The following LPP variants were observed in gnomAD, a reference collection of about 807,000 sequenced individuals.
The protein encoded by LPP is lipoma-preferred partner.
A neutral mutation model predicts 60.4 loss-of-function variants in LPP; 38 were observed. That is an observed-to-expected ratio of 0.63 (90% confidence interval 0.49 to 0.83). The LOEUF (loss-of-function observed/expected upper bound fraction) is 0.83. LPP is among the 40% of genes least tolerant of loss of function. The pLI, the probability that LPP is intolerant of heterozygous loss-of-function variation, is 0.00. For synonymous variants in LPP, 328 were observed against 290.8 expected, an observed-to-expected ratio of 1.13 and a Z score of -1.30; for missense variants, 902 against 783.6, an observed-to-expected ratio of 1.15 and a Z score of -1.80.
intron 4 of LPP, among the ~76,000 whole-genome samples, chr3:188,416,009 A>G (rs950743857): frequency 1.5e-4 from 23 of 152,166 alleles, no homozygotes; most frequent in African/African-American, 5.1e-4. Context: ...TTTCGAATGT[A>G]TTACAGCTTT....
At chr3:188,596,892 G>A (rs1356593615) in intron 6 of LPP, among the ~76,000 whole-genome samples, 1 of 151,312 alleles carries the variant, frequency 6.6e-6, no homozygotes, top group African/African-American at 2.4e-5. Context: ...ACTGAAGTCC[G>A]TGAATATGTT....
chr3:188,679,565 G>A (rs1026353153), intron 7 of LPP, among the ~76,000 whole-genome samples: 4 of 135,230 alleles, frequency 3.0e-5, no homozygotes, highest in African/African-American at 7.6e-5. Flanking sequence ...GTGTGTGTGC[G>A]CGCGCGCATG....
At chr3:188,763,692 T>A (rs530448679) in intron 9 of LPP, among the ~76,000 whole-genome samples, 26 of 152,282 alleles carry the variant, frequency 1.7e-4, no homozygotes, top group Middle Eastern at 3.4e-3. Flanking sequence ...TTTATCTGTT[T>A]AGTTTTACAT....
In LPP at chr3:188,760,144, T is replaced by C; in HGVS notation, c.1272T>C (p.Val424=). 1 of 1,614,128 alleles carries C rather than the reference T, an allele frequency of 6.2e-7. No homozygotes were observed. Among genetic ancestry groups the C allele is most frequent in the Non-Finnish European group, 8.5e-7 (1 of 1,180,006 alleles). Residue 424 remains valine (V), a synonymous_variant, in exon 9 of 12, where the codon GTT becomes GTC. Transcript: ENST00000617246. ...GRCARCGENV[V]GEGTGCTAMD... Reference sequence around the variant, plus strand: ...GTGCTCGCTGTGGAGAAAACGTAGTTGGGGAAGGTACAGGATGCACTGCCA... The same window carrying C: ...GTGCTCGCTGTGGAGAAAACGTAGTCGGGGAAGGTACAGGATGCACTGCCA...
chr3:188,276,017 A>T (rs1282665046), intron 2 of LPP, among the ~76,000 whole-genome samples: 1 of 152,218 alleles, frequency 6.6e-6, no homozygotes, highest in African/African-American at 2.4e-5. Flanking sequence ...AAGAAAACAA[A>T]GCCTGCTGTA....
chr3:188,334,422 C>CTTTTTTT (rs71167095), intron 2 of LPP, among the ~76,000 whole-genome samples: 22 of 98,660 alleles, frequency 2.2e-4, no homozygotes, highest in African/African-American at 3.2e-4. Context: ...ATATTTCTTT[C>CTTTTTTT]TTTTTTTTTT....
At chr3:188,712,967 C>T in intron 8 of LPP, 1 of 152,046 alleles carries the variant, frequency 6.6e-6, no homozygotes, top group Middle Eastern at 3.4e-3. Context: ...TCACTCTTAA[C>T]AGTTTTATTT....
intron 1 of LPP, among the ~76,000 whole-genome samples, chr3:188,186,365 C>G (rs1726595178): frequency 6.6e-6 from 1 of 152,040 alleles, no homozygotes; most frequent in African/African-American, 2.4e-5. Context: ...TAGGAGGATG[C>G]TAGGAGAGAG....
At chr3:188,836,563 A>C (rs1222920685) in intron 9 of LPP, among the ~76,000 whole-genome samples, 1 of 152,222 alleles carries the variant, frequency 6.6e-6, no homozygotes, top group African/African-American at 2.4e-5. Flanking sequence ...CACACGATGG[A>C]GGCTCAATGC....
At chr3:188,253,864 A>G (rs1174704213) in intron 2 of LPP, among the ~76,000 whole-genome samples, 3 of 152,168 alleles carry the variant, frequency 2.0e-5, no homozygotes, top group Admixed American at 2.0e-4. Flanking sequence ...ATTTTCTGTG[A>G]GCATGTGTGA....
chr3:188,808,895 T>C (rs1750011469), intron 9 of LPP, among the ~76,000 whole-genome samples: 1 of 152,150 alleles, frequency 6.6e-6, no homozygotes, highest in Non-Finnish European at 1.5e-5. Flanking sequence ...TGTGATCTCA[T>C]TGTTAAAACT....
chr3:188,803,393 C>T (rs999279098), intron 9 of LPP, among the ~76,000 whole-genome samples: 1 of 152,142 alleles, frequency 6.6e-6, no homozygotes, highest in Admixed American at 6.5e-5. Context: ...GTTCTTCTAA[C>T]ATTTTAAATA....
chr3:188,390,987 T>G (rs2148680503), intron 3 of LPP, among the ~76,000 whole-genome samples: 1 of 152,306 alleles, frequency 6.6e-6, no homozygotes, highest in Non-Finnish European at 1.5e-5. Flanking sequence ...CTATTCCCTT[T>G]TAAACTGTAT....
chr3:188,509,632 T>C (rs1321577988), intron 5 of LPP, among the ~76,000 whole-genome samples: 1 of 35,468 alleles, frequency 2.8e-5, no homozygotes, highest in African/African-American at 1.2e-4. Flanking sequence ...TCCCCTTCCT[T>C]CCTTCCTTCC....
chr3:188,634,519 G>A (rs938509387), intron 7 of LPP, among the ~76,000 whole-genome samples: 2 of 152,214 alleles, frequency 1.3e-5, no homozygotes, highest in African/African-American at 4.8e-5. Context: ...GGTGGTCAGT[G>A]GCGGGCAAGT....
intron 4 of LPP, among the ~76,000 whole-genome samples, chr3:188,447,808 C>CT (rs1795622619): frequency 1.3e-5 from 2 of 152,082 alleles, no homozygotes; most frequent in East Asian, 3.9e-4. Context: ...CTCCGGGATT[C>CT]TATAGCAGTA....
rs79938793 is a variant in LPP, at chr3:188,540,765, A to G, written c.429+15978A>G. Among the ~76,000 whole-genome samples, 2,328 of 152,288 alleles carry G rather than the reference A, an allele frequency of 0.015. 129 individuals are homozygous for G. In the East Asian group the frequency reaches 0.2, roughly 13 times the overall value. ...TTGTTAGCTGCGTGCTTATTCTTAA[A>G]TTGTCTGAGTTACTGCTTTTATATA... On this transcript the variant is annotated intron_variant, in intron 6 of 11. Transcript: ENST00000617246.
intron 9 of LPP, among the ~76,000 whole-genome samples, 153 bp downstream of exon 9, chr3:188,760,435 T>TGTGTGCGTGC (rs777127864): frequency 1.1e-3 from 165 of 151,196 alleles, no homozygotes; most frequent in African/African-American, 3.8e-3. Context: ...TGTGTGTGTG[T>TGTGTGCGTGC]GCGTGCGCGC....
At chr3:188,677,053 C>T (rs1027253534) in intron 7 of LPP, among the ~76,000 whole-genome samples, 2 of 152,158 alleles carry the variant, frequency 1.3e-5, no homozygotes, top group Admixed American at 6.5e-5. Context: ...AAGGAACCGA[C>T]TGTTGACGAC....
Sources: allele counts gnomAD v4.1 joint callset (sites outside exome capture counted in the v4.1 genomes callset), GRCh38; gene constraint gnomAD v4.1.1; transcripts MANE v1.5; gene names NCBI Gene and HGNC (gene_info 2026-07-23, HGNC 2026-07-21).